Variants in SNX13 observed in about 807,000 individuals in gnomAD.
SNX13 encodes sorting nexin-13.
A neutral mutation model predicts 133.6 loss-of-function variants in SNX13; 45 were observed. The observed-to-expected ratio is 0.34, with a 90% CI of 0.27 to 0.43. The LOEUF (loss-of-function observed/expected upper bound fraction) is 0.43, where lower values mean the gene tolerates loss of function less well. Ranked by LOEUF, SNX13 falls within the 20% of genes least tolerant of loss-of-function variation. SNX13 has a pLI of 1.00. For synonymous variants in SNX13, 414 were observed against 373.9 expected (o/e 1.11, Z -1.24); for missense variants, 1,032 against 1,145.1 (o/e 0.90, Z 1.43).
intron 9 of SNX13, among the ~76,000 whole-genome samples, chr7:17,855,185 T>A (rs372029863): frequency 6.6e-6 from 1 of 152,226 alleles, no homozygotes; most frequent in African/African-American, 2.4e-5. Context: ...TAAAGGCTGA[T>A]AGAGGTAAGG....
intron 8 of SNX13, among the ~76,000 whole-genome samples, chr7:17,872,469 G>A (rs1229289913): frequency 1.3e-5 from 2 of 152,122 alleles, no homozygotes; most frequent in African/African-American, 2.4e-5. Flanking sequence ...TTCCTTAAGT[G>A]GCAGATATGA....
intron 20 of SNX13, among the ~76,000 whole-genome samples, chr7:17,814,633 G>A (rs1283933109): frequency 4.6e-5 from 7 of 151,830 alleles, no homozygotes; most frequent in African/African-American, 9.7e-5. Context: ...CCTTTCAAGC[G>A]TCTGCTGAAT....
chr7:17,805,272 T>G (rs922455984), intron 20 of SNX13, among the ~76,000 whole-genome samples: 38 of 80,754 alleles, frequency 4.7e-4, no homozygotes, highest in Non-Finnish European at 1.8e-4. Flanking sequence ...CGCGCATGCA[T>G]GCACATGTGT....
chr7:17,861,342 TCACACACACACACACACA>T (rs59119505), intron 9 of SNX13, among the ~76,000 whole-genome samples: 17 of 143,238 alleles, frequency 1.2e-4, no homozygotes, highest in African/African-American at 4.5e-4. Context: ...TACAGTTATC[TCACACACACACACACACA>T]CACACACACA....
At chr7:17,930,471 A>C (rs1801274702) in intron 1 of SNX13, among the ~76,000 whole-genome samples, 1 of 152,222 alleles carries the variant, frequency 6.6e-6, no homozygotes, top group Non-Finnish European at 1.5e-5. Flanking sequence ...GTATAAAGAT[A>C]ATCTTTCATC....
chr7:17,874,776 G>A (rs1027538166), intron 7 of SNX13, among the ~76,000 whole-genome samples: 1 of 152,050 alleles, frequency 6.6e-6, no homozygotes, highest in Non-Finnish European at 1.5e-5. Context: ...GGAAGATAAC[G>A]TCCTCAGCTA....
At chr7:17,936,040 C>T (rs562584120) in intron 1 of SNX13, among the ~76,000 whole-genome samples, 7 of 152,260 alleles carry the variant, frequency 4.6e-5, no homozygotes, top group Middle Eastern at 3.4e-3. Context: ...GTTCAGGGAG[C>T]CTTTCTTGAT....
chr7:17,890,715 A>T (rs180876816), intron 4 of SNX13, among the ~76,000 whole-genome samples: 3,404 of 152,016 alleles, frequency 0.022, 136 homozygotes, highest in African/African-American at 0.074. Flanking sequence ...ATTTAAAAAA[A>T]AAAATAAAAT....
chr7:17,894,295 CAA>C (rs200563716), intron 2 of SNX13, among the ~76,000 whole-genome samples: 2 of 133,182 alleles, frequency 1.5e-5, no homozygotes. Context: ...AGACTCGCCT[CAA>C]AAAAAAAAAG....
intron 18 of SNX13, among the ~76,000 whole-genome samples, chr7:17,817,438 T>C (rs936782997): frequency 6.6e-6 from 1 of 152,214 alleles, no homozygotes; most frequent in Non-Finnish European, 1.5e-5. Context: ...TAAAGAAAAC[T>C]AATTCTTGGT....
rs1414006840 is a variant in SNX13, at chr7:17,827,091, T to TAA, written c.1636-1002_1636-1001dup. 2.0e-5 allele frequency among the ~76,000 whole-genome samples: 3 copies of TAA among 152,042 alleles called. No homozygotes were observed. The East Asian group carries it at 5.8e-4, about 29-fold the overall frequency. Reference sequence around the variant, plus strand: ...TATGTGCTATATAATCTGCCTCCAATAAAAAACCTGTACATTTAGTCTCCA... The same window carrying TAA: ...TATGTGCTATATAATCTGCCTCCAATAAAAAAAACCTGTACATTTAGTCTCCA... On this transcript the variant is annotated intron_variant, in intron 16 of 25. Coordinates refer to ENST00000428135, the MANE Select transcript of SNX13 (RefSeq NM_015132.5).
At chr7:17,907,971 T>C (rs999547530) in intron 1 of SNX13, among the ~76,000 whole-genome samples, 9 of 152,140 alleles carry the variant, frequency 5.9e-5, no homozygotes, top group South Asian at 2.1e-4. Context: ...CTCAGAAATA[T>C]CTCCTGAGTT....
chr7:17,814,773 TACAA>T (rs1338066150), intron 20 of SNX13, 57 bp downstream of exon 20: 25 of 1,314,832 alleles, frequency 1.9e-5, no homozygotes, highest in East Asian at 5.9e-5. Context: ...TTTCTTTTAT[TACAA>T]ACAAAGTAAG....
At chr7:17,810,877 A>C (rs560791632) in intron 20 of SNX13, among the ~76,000 whole-genome samples, 1 of 152,334 alleles carries the variant, frequency 6.6e-6, no homozygotes, top group South Asian at 2.1e-4. Flanking sequence ...GTCATCCATC[A>C]CATAAACAGA....
At position 17,790,923 on chromosome 7, in the gene SNX13, T is replaced by G. The variant is rs770979640; in HGVS notation, c.*3122A>C. 1.8e-4 allele frequency: 27 copies of G among 152,046 alleles called. No individual in the cohort carries two copies. The highest frequency in any genetic ancestry group is 4.4e-5 in the Non-Finnish European group (3 of 67,914). 9.4% of individuals were successfully genotyped at this position (152,046 alleles called of 1,614,324 possible). The stretch of plus-strand genomic sequence containing the variant: ...GAACAGTTAGGCACACAGTTGACAC[T>G]TACTGTACAATGATATGCACACATT... On this transcript the variant is annotated 3_prime_UTR_variant, in exon 26 of 26. Coordinates refer to ENST00000428135, the MANE Select transcript of SNX13 (RefSeq NM_015132.5).
intron 20 of SNX13, among the ~76,000 whole-genome samples, chr7:17,805,254 T>TGTGCGCGCGC (rs537620797): frequency 7.6e-6 from 1 of 132,440 alleles, no homozygotes; most frequent in Non-Finnish European, 1.6e-5. Context: ...TGTGTGTGCG[T>TGTGCGCGCGC]GCGCGCGCGC....
At position 17,850,395 on chromosome 7, in the gene SNX13, G is replaced by A. The variant is rs1399654114; in HGVS notation, c.1017C>T (p.Phe339=). ...TIKNQINSLL[F]VKKVCDSRIQ... is the part of the protein sequence containing the mutation. ...TTCTTGAGTCACATACCTTCTTTAC[G>A]AATAGTAAGCTATTTATTTGATTTT... is the stretch of plus-strand genomic sequence containing the variant. Residue 339 remains phenylalanine (F), a synonymous_variant, in exon 11 of 26, where the codon TTC becomes TTT. Transcript: ENST00000428135. 4.4e-6 allele frequency: 7 copies of A among 1,591,722 alleles called. No individual in the cohort carries two copies. Among genetic ancestry groups the A allele is most frequent in the South Asian group, 2.3e-5 (2 of 86,626 alleles).
intron 13 of SNX13, 27 bp from the exon 14 acceptor site, chr7:17,834,892 T>C (rs1342582720): frequency 7.5e-7 from 1 of 1,326,680 alleles, no homozygotes; most frequent in Admixed American, 1.8e-5. Context: ...ATAGTAATGA[T>C]CTCTGTAATT....
At chr7:17,917,383 GACC>G (rs1799678530) in intron 1 of SNX13, among the ~76,000 whole-genome samples, 1 of 152,102 alleles carries the variant, frequency 6.6e-6, no homozygotes, top group South Asian at 2.1e-4. Context: ...TCCCTTTGCT[GACC>G]ATATGATTCT....
Sources: allele counts gnomAD v4.1 joint callset (sites outside exome capture counted in the v4.1 genomes callset), GRCh38; gene constraint gnomAD v4.1.1; transcripts MANE v1.5; gene names NCBI Gene and HGNC (gene_info 2026-07-23, HGNC 2026-07-21).